Variants in GNG12 observed in about 807,000 individuals in gnomAD.
GNG12 encodes the protein G protein subunit gamma 12, also known as guanine nucleotide-binding protein G(I)/G(S)/G(O) subunit gamma-12.
For missense variants in GNG12, 69 were observed against 83.8 expected (o/e 0.82, Z 0.69); for synonymous variants, 28 against 29.7 (o/e 0.94, Z 0.19).
chr1:67,799,424 G>A (rs1646851640), intron 1 of GNG12, among the ~76,000 whole-genome samples: 1 of 152,136 alleles, frequency 6.6e-6, no homozygotes, highest in Admixed American at 6.5e-5. Context: ...AAACAGCAGA[G>A]CATTGTATAG....
intron 2 of GNG12, among the ~76,000 whole-genome samples, chr1:67,735,870 C>G (rs534167619): frequency 6.6e-6 from 1 of 152,178 alleles, no homozygotes; most frequent in Non-Finnish European, 1.5e-5. Flanking sequence ...AAAAATAGTT[C>G]AGACAGAAAG....
chr1:67,748,461 G>GAT (rs1646519440), intron 2 of GNG12, among the ~76,000 whole-genome samples: 1 of 152,156 alleles, frequency 6.6e-6, no homozygotes, highest in Admixed American at 6.5e-5. Context: ...GAAACACAGG[G>GAT]ATATGAGTTC....
At chr1:67,798,977 A>AATAT (rs992523351) in intron 1 of GNG12, among the ~76,000 whole-genome samples, 1 of 151,914 alleles carries the variant, frequency 6.6e-6, no homozygotes. Context: ...TAAATAAATA[A>AATAT]ATAAATAAAT....
chr1:67,777,747 T>C (rs1394477692), intron 1 of GNG12, among the ~76,000 whole-genome samples: 2 of 152,186 alleles, frequency 1.3e-5, no homozygotes, highest in Non-Finnish European at 2.9e-5. Context: ...CCAGCGTAAC[T>C]ATAAATGGTA....
chr1:67,796,411 C>G (rs990475938), intron 1 of GNG12, among the ~76,000 whole-genome samples: 2 of 152,018 alleles, frequency 1.3e-5, no homozygotes, highest in African/African-American at 4.8e-5. Context: ...AACTCTGGTT[C>G]GTTAAAGAAT....
chr1:67,727,800 ATTAC>A (rs1430612956), intron 2 of GNG12, among the ~76,000 whole-genome samples: 1 of 152,238 alleles, frequency 6.6e-6, no homozygotes, highest in Non-Finnish European at 1.5e-5. Context: ...GGGCTAATTA[ATTAC>A]TTAATTTTAT....
intron 1 of GNG12, among the ~76,000 whole-genome samples, chr1:67,784,830 G>A (rs1646759038): frequency 6.6e-6 from 1 of 152,038 alleles, no homozygotes; most frequent in Middle Eastern, 3.4e-3. Context: ...ACTTACTCAA[G>A]AGCTATGATA....
intron 2 of GNG12, chr1:67,772,653 A>G (rs1251881568): frequency 6.6e-6 from 1 of 152,082 alleles, no homozygotes; most frequent in African/African-American, 2.4e-5. Flanking sequence ...CTGTAACACT[A>G]CCCCTCCTTT....
At chr1:67,821,421 A>G (rs1319781376) in intron 1 of GNG12, among the ~76,000 whole-genome samples, 1 of 152,152 alleles carries the variant, frequency 6.6e-6, no homozygotes, top group African/African-American at 2.4e-5. Flanking sequence ...AAGGGCAAGG[A>G]CCAGAGGGAG....
At chr1:67,776,376 T>C (rs1408315547) in intron 2 of GNG12, among the ~76,000 whole-genome samples, 6 of 152,210 alleles carry the variant, frequency 3.9e-5, no homozygotes, top group Admixed American at 1.3e-4. Context: ...CCCCTCCCTG[T>C]ATCCATGCTC....
At chr1:67,813,591 T>C (rs751771771) in intron 1 of GNG12, among the ~76,000 whole-genome samples, 7 of 152,176 alleles carry the variant, frequency 4.6e-5, no homozygotes, top group Admixed American at 1.3e-4. Flanking sequence ...TTTAACACTT[T>C]TTAAAAGTAG....
rs748743389 is a variant in GNG12, at chr1:67,707,581, CG to C, written c.93+12del. 1.1e-5 allele frequency: 15 copies of C among 1,355,354 alleles called. No individual in the cohort carries two copies. Among genetic ancestry groups the C allele is most frequent in the Non-Finnish European group, 1.5e-5 (14 of 950,578 alleles). 84.0% of individuals were successfully genotyped at this position (1,355,354 alleles called of 1,614,324 possible). A position where few individuals can be genotyped will look rare whatever the true frequency, so the allele number is the denominator to read the frequency against. On this transcript the variant is annotated intron_variant, in intron 3 of 3. Coordinates refer to ENST00000370982, the MANE Select transcript of GNG12 (RefSeq NM_018841.6). ...GAGCAGAAAGCATATGTTATCCAGT[CG>C]GGGCTTCTTACCTTTATTCTTTCAA...
At position 67,762,728 on chromosome 1, in the gene GNG12, T is replaced by C. The variant is rs577991383; in HGVS notation, c.-27+14730A>G. On this transcript the variant is annotated intron_variant, in intron 2 of 3. Transcript: ENST00000370982. ...TTCCCCTAATTTTTCACAAAATACA[T>C]GCAATTTAGTGAAAAATTTGTAAAA... 1.8e-4 allele frequency among the ~76,000 whole-genome samples: 27 copies of C among 152,264 alleles called. No individual in the cohort carries two copies. In the East Asian group the frequency reaches 5.2e-3, roughly 29 times the overall value.
intron 1 of GNG12, among the ~76,000 whole-genome samples, chr1:67,833,009 C>A (rs895765308): frequency 5.3e-5 from 8 of 152,216 alleles, no homozygotes; most frequent in Non-Finnish European, 1.2e-4. Flanking sequence ...CACCCCCAGC[C>A]CTAGCCCCAG....
chr1:67,743,203 C>T (rs935079345), intron 2 of GNG12, among the ~76,000 whole-genome samples: 3 of 152,088 alleles, frequency 2.0e-5, no homozygotes, highest in African/African-American at 7.2e-5. Flanking sequence ...GGAGTAGGGG[C>T]AGCTGGGTGA....
chr1:67,785,625 ATAGT>A (rs1233011147), intron 1 of GNG12, among the ~76,000 whole-genome samples: 2 of 152,184 alleles, frequency 1.3e-5, no homozygotes, highest in Non-Finnish European at 2.9e-5. Context: ...AGAATTTTAC[ATAGT>A]TAAGAGACAA....
intron 1 of GNG12, among the ~76,000 whole-genome samples, chr1:67,787,007 CTGTG>C (rs568284069): frequency 2.9e-3 from 350 of 121,968 alleles, no homozygotes; most frequent in African/African-American, 0.011. Flanking sequence ...ATGTGTATAT[CTGTG>C]TGTGTGTATA....
intron 2 of GNG12, among the ~76,000 whole-genome samples, chr1:67,744,934 T>C (rs1570507256): frequency 6.6e-6 from 1 of 152,208 alleles, no homozygotes; most frequent in South Asian, 2.1e-4. Flanking sequence ...AATGTCTGGG[T>C]TTGACCAGCT....
intron 2 of GNG12, among the ~76,000 whole-genome samples, chr1:67,746,936 G>T (rs934525343): frequency 6.0e-5 from 9 of 148,992 alleles, no homozygotes; most frequent in African/African-American, 1.5e-4. Flanking sequence ...AAAAGTGTGT[G>T]TTTTTTTTTT....
Sources: allele counts gnomAD v4.1 joint callset (sites outside exome capture counted in the v4.1 genomes callset), GRCh38; gene constraint gnomAD v4.1.1; transcripts MANE v1.5; gene names NCBI Gene and HGNC (gene_info 2026-07-23, HGNC 2026-07-21).